CPED1: variants seen among roughly 807,000 people sequenced by gnomAD.
The protein encoded by CPED1 is cadherin like and PC-esterase domain containing 1, also known as cadherin-like and PC-esterase domain-containing protein 1.
In CPED1, 114 loss-of-function variants were observed where a neutral mutation model predicts 128.2. The observed-to-expected ratio is 0.89, with a 90% CI of 0.76 to 1.04. The LOEUF (loss-of-function observed/expected upper bound fraction) is 1.04. Ranked by LOEUF, CPED1 falls within the 50% of genes least tolerant of loss-of-function variation. The pLI is 0.00. For synonymous variants in CPED1, 462 were observed against 426.7 expected, an observed-to-expected ratio of 1.08 and a Z score of -1.02; for missense variants, 1,211 against 1,207.1, an observed-to-expected ratio of 1.00 and a Z score of -0.05.
Position 121,127,256 on chromosome 7 carries a change from A to G in CPED1, c.1301A>G (p.Lys434Arg). The G allele has an allele frequency of 6.4e-7, 1 of 1,557,656 alleles. No homozygotes were observed. Residue 434 changes from lysine to arginine, a missense_variant and splice_region_variant, in exon 10 of 23, where the codon AAG becomes AGG. Transcript: ENST00000310396. ...FQRLYRSDVFKGENYQKELNQ... is the reference protein window; with the variant it reads ...FQRLYRSDVFRGENYQKELNQ... The stretch of plus-strand genomic sequence containing the variant: ...AGACTTTATAGATCAGATGTTTTCA[A>G]GGTAAGTGCATATTTGTGTACTGAT...
intron 5 of CPED1, among the ~76,000 whole-genome samples, chr7:121,075,309 A>G (rs1158631523): frequency 6.6e-6 from 1 of 152,210 alleles, no homozygotes; most frequent in African/African-American, 2.4e-5. Context: ...ACTTGTGCTC[A>G]CTGCGATAGC....
At chr7:121,016,835 G>A (rs1480779451) in intron 3 of CPED1, among the ~76,000 whole-genome samples, 1 of 152,092 alleles carries the variant, frequency 6.6e-6, no homozygotes, top group Non-Finnish European at 1.5e-5. Flanking sequence ...TATTAAAAGG[G>A]GAGGAGGAGA....
At chr7:121,227,731 G>A (rs528470267) in intron 16 of CPED1, among the ~76,000 whole-genome samples, 1 of 152,012 alleles carries the variant, frequency 6.6e-6, no homozygotes, top group South Asian at 2.1e-4. Flanking sequence ...GTTGTTGTGA[G>A]AAAAATAAGA....
intron 16 of CPED1, among the ~76,000 whole-genome samples, chr7:121,176,804 A>G (rs1318540956): frequency 6.6e-6 from 1 of 152,112 alleles, no homozygotes; most frequent in Non-Finnish European, 1.5e-5. Context: ...GCCTTCTCCT[A>G]TTTTGAAAAG....
intron 7 of CPED1, among the ~76,000 whole-genome samples, chr7:121,111,228 T>A (rs1285811908): frequency 6.6e-6 from 1 of 152,086 alleles, no homozygotes; most frequent in Non-Finnish European, 1.5e-5. Flanking sequence ...TACCAGAAAA[T>A]TTTTCTCCTG....
At chr7:121,060,218 AC>A (rs1212068999) in intron 4 of CPED1, among the ~76,000 whole-genome samples, 3 of 151,972 alleles carry the variant, frequency 2.0e-5, no homozygotes, top group Non-Finnish European at 4.4e-5. Context: ...TGAGCCTCCC[AC>A]CCCCTCCGTG....
Position 121,296,666 on chromosome 7 carries a change from G to C in CPED1, c.*1014G>C, listed in dbSNP as rs2116800637. ...CTGTATCAAATCCAAATTTAGATTA[G>C]ACAAAAAATTATTATTTTAATTAAA... On this transcript the variant is annotated 3_prime_UTR_variant, in exon 23 of 23. Transcript: ENST00000310396. The C allele has an allele frequency of 6.6e-6, 1 of 151,998 alleles. No homozygotes were observed. The highest frequency in any genetic ancestry group is 1.9e-4 in the East Asian group (1 of 5,186). The allele number at this position is 151,998 out of a possible 1,614,324, so 9.4% of individuals were successfully genotyped here. A position where few individuals can be genotyped will look rare whatever the true frequency, so the allele number is the denominator to read the frequency against.
chr7:121,008,176 T>C (rs1003154077), intron 2 of CPED1, among the ~76,000 whole-genome samples: 19 of 152,120 alleles, frequency 1.2e-4, no homozygotes, highest in African/African-American at 4.6e-4. Flanking sequence ...CCAGTTTTCC[T>C]CATCTGCCTC....
At chr7:121,239,125 A>G (rs555399820) in intron 17 of CPED1, among the ~76,000 whole-genome samples, 6 of 152,330 alleles carry the variant, frequency 3.9e-5, no homozygotes, top group Admixed American at 3.9e-4. Context: ...TCCTATTGAA[A>G]GAAGTTGTTA....
At chr7:121,279,882 C>G (rs1488861443) in intron 22 of CPED1, among the ~76,000 whole-genome samples, 1 of 152,054 alleles carries the variant, frequency 6.6e-6, no homozygotes, top group Non-Finnish European at 1.5e-5. Context: ...TGAACTTTTC[C>G]CTAGACCTCC....
chr7:121,141,348 G>A (rs1795897296), intron 15 of CPED1, among the ~76,000 whole-genome samples: 2 of 151,968 alleles, frequency 1.3e-5, no homozygotes, highest in African/African-American at 2.4e-5. Context: ...ACCAATTGGT[G>A]CACAATTTGT....
intron 2 of CPED1, among the ~76,000 whole-genome samples, chr7:121,015,204 G>T (rs1015935771): frequency 9.2e-5 from 14 of 152,268 alleles, no homozygotes; most frequent in African/African-American, 3.1e-4. Flanking sequence ...GCTCTGGATT[G>T]CTTCTCACCT....
chr7:121,274,482 G>A (rs904516821), intron 22 of CPED1, among the ~76,000 whole-genome samples: 18 of 152,078 alleles, frequency 1.2e-4, no homozygotes, highest in Middle Eastern at 3.4e-3. Flanking sequence ...GTAGGTCTCC[G>A]CCAAATTATC....
At chr7:120,996,575 T>A (rs1796409836) in intron 2 of CPED1, among the ~76,000 whole-genome samples, 1 of 152,182 alleles carries the variant, frequency 6.6e-6, no homozygotes, top group African/African-American at 2.4e-5. Flanking sequence ...GTGCTCCTTT[T>A]TTAGCTCTAA....
At chr7:121,223,496 C>A (rs1433577261) in intron 16 of CPED1, among the ~76,000 whole-genome samples, 1 of 152,136 alleles carries the variant, frequency 6.6e-6, no homozygotes, top group East Asian at 1.9e-4. Flanking sequence ...AGGATTCTCT[C>A]TTTTTCTATT....
intron 22 of CPED1, among the ~76,000 whole-genome samples, chr7:121,288,242 A>G (rs956149007): frequency 3.3e-5 from 5 of 152,194 alleles, no homozygotes; most frequent in African/African-American, 1.2e-4. Flanking sequence ...CAGGATGATA[A>G]TGACTTAACA....
rs1296781083 is a variant in CPED1 at position 121,015,854 on chromosome 7, A to G, written c.433+6A>G. ...GCCGGGGCTACTAGAACAAGGTCAG[A>G]ATAGTGAGAAGTAACTGCCAAAGTC... On this transcript the variant is annotated splice_donor_region_variant and intron_variant, in intron 3 of 22. Coordinates refer to ENST00000310396, the MANE Select transcript of CPED1 (RefSeq NM_024913.5). 29 of 1,488,628 alleles carry G rather than the reference A, an allele frequency of 1.9e-5. No individual in the cohort carries two copies. Among genetic ancestry groups the G allele is most frequent in the Non-Finnish European group, 2.6e-5 (29 of 1,121,266 alleles). The allele number at this position is 1,488,628 out of a possible 1,614,324, so 92.2% of individuals were successfully genotyped here. A position where few individuals can be genotyped will look rare whatever the true frequency, so the allele number is the denominator to read the frequency against.
chr7:121,129,319 A>G (rs1363303534), intron 11 of CPED1, among the ~76,000 whole-genome samples: 5 of 131,936 alleles, frequency 3.8e-5, no homozygotes, highest in African/African-American at 8.4e-5. Flanking sequence ...ATACGTATAT[A>G]TATATATATA....
At chr7:121,159,657 T>C (rs1300666878) in intron 16 of CPED1, among the ~76,000 whole-genome samples, 1 of 152,160 alleles carries the variant, frequency 6.6e-6, no homozygotes, top group East Asian at 1.9e-4. Flanking sequence ...AGCAAAAATA[T>C]TGTTCAAGAT....
Sources: allele counts gnomAD v4.1 joint callset (sites outside exome capture counted in the v4.1 genomes callset), GRCh38; gene constraint gnomAD v4.1.1; transcripts MANE v1.5; gene names NCBI Gene and HGNC (gene_info 2026-07-23, HGNC 2026-07-21).